CEP120: variants seen among roughly 807,000 people sequenced by gnomAD.
The protein encoded by CEP120 is centrosomal protein 120, also known as centrosomal protein of 120 kDa.
Under a neutral mutation model 126.5 loss-of-function variants are expected in CEP120, and 113 were observed. The observed-to-expected ratio is 0.89, with a 90% CI of 0.77 to 1.04. The LOEUF (loss-of-function observed/expected upper bound fraction) is 1.04, where lower values mean the gene tolerates loss of function less well. Ranked by LOEUF, CEP120 falls within the 50% of genes least tolerant of loss-of-function variation. CEP120 has a pLI of 0.00. For missense variants in CEP120, 1,230 were observed against 1,155.7 expected (o/e 1.06, Z -0.93); for synonymous variants, 400 against 394.3 (o/e 1.01, Z -0.17).
At chr5:123,379,689 CA>C (rs1394958117) in intron 14 of CEP120, among the ~76,000 whole-genome samples, 1 of 151,762 alleles carries the variant, frequency 6.6e-6, no homozygotes, top group East Asian at 1.9e-4. Context: ...TTTACGAGAT[CA>C]TTTATTCTCC....
At chr5:123,377,952 G>A (rs1223775128) in intron 15 of CEP120, among the ~76,000 whole-genome samples, 2 of 151,940 alleles carry the variant, frequency 1.3e-5, no homozygotes, top group Non-Finnish European at 2.9e-5. Flanking sequence ...CATACTTTTC[G>A]ACCTATTCTT....
At chr5:123,369,418 T>C (rs1040834421) in intron 17 of CEP120, among the ~76,000 whole-genome samples, 4 of 152,016 alleles carry the variant, frequency 2.6e-5, no homozygotes, top group Middle Eastern at 3.2e-3. Context: ...TGGCTCATAT[T>C]CATACTGTTA....
chr5:123,385,172 C>G (rs1416633049), intron 10 of CEP120, 39 bp from the exon 11 acceptor site: 1 of 1,490,512 alleles, frequency 6.7e-7, no homozygotes, highest in East Asian at 2.4e-5. Context: ...CCTATCAACT[C>G]TGACCTAAAG....
At chr5:123,413,196 C>T (rs946321890) in intron 3 of CEP120, among the ~76,000 whole-genome samples, 3 of 151,212 alleles carry the variant, frequency 2.0e-5, no homozygotes, top group South Asian at 2.1e-4. Flanking sequence ...TGCTTGAGCC[C>T]GATAAATCAA....
intron 3 of CEP120, 115 bp from the exon 4 acceptor site, chr5:123,412,655 A>ATT: frequency 3.4e-5 from 23 of 673,350 alleles, no homozygotes; most frequent in South Asian, 1.9e-4. Flanking sequence ...TTTATAAACA[A>ATT]TTTTTTTTTC....
In CEP120 at chr5:123,423,100, C is replaced by G; in HGVS notation, c.-102G>C. On this transcript the variant is annotated 5_prime_UTR_variant, in exon 1 of 20. Transcript: ENST00000306467. ...CCCCGGCGGGACCCCCACTGCCCGCCCCCGGTCCCTGATGCCCGGACCCCG... is the reference window on the plus strand; with the variant it reads ...CCCCGGCGGGACCCCCACTGCCCGCGCCCGGTCCCTGATGCCCGGACCCCG... 3 of 982,884 alleles carry G rather than the reference C, an allele frequency of 3.1e-6. No individual in the cohort carries two copies. The South Asian group carries it at 3.9e-5, about 13-fold the overall frequency. 60.9% of individuals were successfully genotyped at this position (982,884 alleles called of 1,614,324 possible).
intron 17 of CEP120, among the ~76,000 whole-genome samples, chr5:123,368,120 T>A (rs1203114817): frequency 6.6e-6 from 1 of 151,920 alleles, no homozygotes; most frequent in Admixed American, 6.6e-5. Context: ...TTTTAATATG[T>A]TTAATGATTT....
At chr5:123,371,922 AT>A (rs1443667826) in intron 17 of CEP120, among the ~76,000 whole-genome samples, 6 of 152,050 alleles carry the variant, frequency 3.9e-5, no homozygotes, top group Non-Finnish European at 5.9e-5. Flanking sequence ...TGACTGCTAT[AT>A]TTTTTTAATC....
In CEP120 at chr5:123,422,972, G is replaced by A. The variant is rs111851376; in HGVS notation, c.27C>T (p.Leu9=). 105 of 1,614,168 alleles carry A rather than the reference G, an allele frequency of 6.5e-5. 2 individuals are homozygous for A. The African/African-American group carries it at 9.6e-4, about 15-fold the overall frequency. MVSKSDQL[L]IVVSILEGRH... is the part of the protein sequence containing the mutation. ...CACCTTCTAGGATGGACACGACGAT[G>A]AGCAATTGGTCGGATTTGGAGACCA... The change falls in exon 1 of 20, where the codon CTC becomes CTT. Residue 9 remains leucine (L), a synonymous_variant. Coordinates refer to ENST00000306467, the MANE Select transcript of CEP120 (RefSeq NM_001375405.1).
At chr5:123,393,119 G>T (rs1416505587) in intron 6 of CEP120, among the ~76,000 whole-genome samples, 181 bp downstream of exon 6, 1 of 152,064 alleles carries the variant, frequency 6.6e-6, no homozygotes, top group African/African-American at 2.4e-5. Context: ...TGAGGTAATT[G>T]TAATGCCAAC....
In CEP120 at chr5:123,382,896, G is replaced by A; in HGVS notation, c.1861-7C>T. ...GCTGTACGGCAGATACACCCTAAGA[G>A]ATGAACCAAAAAGTACATTTAAACA... On this transcript the variant is annotated splice_region_variant and splice_polypyrimidine_tract_variant and intron_variant, in intron 12 of 19. Transcript: ENST00000306467. 1 of 1,611,826 alleles carries A rather than the reference G, an allele frequency of 6.2e-7. No homozygotes were observed. The highest frequency in any genetic ancestry group is 8.5e-7 in the Non-Finnish European group (1 of 1,179,090).
At chr5:123,412,715 T>G (rs1184417048) in intron 3 of CEP120, among the ~76,000 whole-genome samples, 175 bp from the exon 4 acceptor site, 1 of 152,312 alleles carries the variant, frequency 6.6e-6, no homozygotes, top group East Asian at 1.9e-4. Context: ...ATCAACTGAA[T>G]TTCCCTCTAG....
In CEP120 at chr5:123,418,434, A is replaced by G; in HGVS notation, c.131T>C (p.Val44Ala). 1 of 1,613,188 alleles carries G rather than the reference A, an allele frequency of 6.2e-7. No individual in the cohort carries two copies. Among genetic ancestry groups the G allele is most frequent in the South Asian group, 1.1e-5 (1 of 91,010 alleles). The change falls in exon 2 of 20, where the codon GTG becomes GCG. Residue 44 changes from valine to alanine, a missense_variant. Physicochemically the swap from Val to Ala is moderately conservative, Grantham distance 64. Transcript: ENST00000306467. ...FDGEQLATDPVDHTDQPEFAT... is the reference protein window; with the variant it reads ...FDGEQLATDPADHTDQPEFAT... ...AAATTCTGGCTGGTCAGTGTGGTCCACAGGATCAGTAGCCAACTGTTCTCC... is the reference window on the plus strand; with the variant it reads ...AAATTCTGGCTGGTCAGTGTGGTCCGCAGGATCAGTAGCCAACTGTTCTCC...
intron 5 of CEP120, among the ~76,000 whole-genome samples, chr5:123,397,210 G>C (rs1772846940): frequency 1.3e-5 from 2 of 152,184 alleles, no homozygotes; most frequent in African/African-American, 4.8e-5. Flanking sequence ...TGTAATCCCA[G>C]CTACTTGGGA....
intron 4 of CEP120, chr5:123,401,180 G>C: frequency 6.2e-7 from 1 of 1,612,120 alleles, no homozygotes; most frequent in Non-Finnish European, 8.5e-7. Flanking sequence ...TGTAGGTGGC[G>C]ATCTCGATGT....
chr5:123,363,173 T>C (rs1212839310), intron 18 of CEP120, among the ~76,000 whole-genome samples: 1 of 151,522 alleles, frequency 6.6e-6, no homozygotes, highest in Non-Finnish European at 1.5e-5. Context: ...ACTACTTTCC[T>C]AAATCACAAC....
At chr5:123,409,597 T>C (rs4836008) in intron 4 of CEP120, among the ~76,000 whole-genome samples, 66,704 of 152,052 alleles carry the variant, frequency 0.44, 14,604 homozygotes, top group East Asian at 0.47. Context: ...AGAAATATAA[T>C]TGTCTTTGTT....
intron 4 of CEP120, among the ~76,000 whole-genome samples, chr5:123,399,649 T>C (rs1475899940): frequency 6.6e-6 from 1 of 151,984 alleles, no homozygotes; most frequent in African/African-American, 2.4e-5. Flanking sequence ...AAAAGAGTGT[T>C]CTAGACAGAA....
Position 123,351,536 on chromosome 5 carries a change from G to A in CEP120, c.2581-1447C>T, listed in dbSNP as rs540022352. 6.6e-5 allele frequency among the ~76,000 whole-genome samples: 10 copies of A among 152,246 alleles called. No homozygotes were observed. The East Asian group carries it at 9.7e-4, about 15-fold the overall frequency. ...GATATATACATAGGCTTCAAATTGC[G>A]TGGTCAGAGGATATAAGAATTACAA... On this transcript the variant is annotated intron_variant, in intron 18 of 19. Coordinates refer to ENST00000306467, the MANE Select transcript of CEP120 (RefSeq NM_001375405.1).
Sources: allele counts gnomAD v4.1 joint callset (sites outside exome capture counted in the v4.1 genomes callset), GRCh38; gene constraint gnomAD v4.1.1; transcripts MANE v1.5; gene names NCBI Gene and HGNC (gene_info 2026-07-23, HGNC 2026-07-21).